STK3: variants seen among roughly 807,000 people sequenced by gnomAD.
STK3 encodes the protein serine/threonine kinase 3.
STK3 carries 41 observed loss-of-function variants against 58.0 expected under a neutral mutation model. The ratio of observed to expected loss-of-function variants is 0.71; its 90% CI spans 0.55 to 0.92. The LOEUF is 0.92. Ranked by LOEUF, STK3 falls within the 40% of genes least tolerant of loss-of-function variation. STK3 has a pLI of 0.00. For missense variants in STK3, 479 were observed against 602.7 expected (o/e 0.79, Z 2.15); for synonymous variants, 170 against 191.0 (o/e 0.89, Z 0.91).
chr8:98,843,083 AAAT>A (rs1836060741), intron 3 of STK3, among the ~76,000 whole-genome samples: 1 of 150,542 alleles, frequency 6.6e-6, no homozygotes, highest in South Asian at 2.1e-4. Context: ...AATATATAAT[AAAT>A]AATAAGCCCA....
In STK3 at chr8:98,737,221, A is replaced by G. The variant is rs890720598; in HGVS notation, c.351+12055T>C. ...ATCATACATGAATTCATTTAAGTGA[A>G]TATAATAATAAGAAAAGTCAATTCA... On this transcript the variant is annotated intron_variant, in intron 4 of 10. Coordinates refer to ENST00000419617, the MANE Select transcript of STK3 (RefSeq NM_006281.4). 2.6e-5 allele frequency among the ~76,000 whole-genome samples: 4 copies of G among 152,268 alleles called. No homozygotes were observed. In the South Asian group the frequency reaches 8.3e-4, roughly 32 times the overall value.
chr8:98,770,562 T>C (rs1185604958), intron 2 of STK3, among the ~76,000 whole-genome samples: 3 of 152,102 alleles, frequency 2.0e-5, no homozygotes, highest in South Asian at 2.1e-4. Flanking sequence ...TTAAGTGAGA[T>C]GCTAAGTGAG....
At chr8:98,736,959 T>C (rs1000602938) in intron 4 of STK3, among the ~76,000 whole-genome samples, 3 of 152,198 alleles carry the variant, frequency 2.0e-5, no homozygotes, top group African/African-American at 7.2e-5. Flanking sequence ...ATATGTAGTA[T>C]ATACATAATC....
At chr8:98,488,748 A>G (rs907600304) in intron 10 of STK3, among the ~76,000 whole-genome samples, 1 of 152,226 alleles carries the variant, frequency 6.6e-6, no homozygotes, top group African/African-American at 2.4e-5. Flanking sequence ...ATGAAAATGC[A>G]GAGAAGTGGT....
chr8:98,825,349 C>T (rs531332560), intron 1 of STK3, among the ~76,000 whole-genome samples, 166 bp downstream of exon 1: 47 of 152,182 alleles, frequency 3.1e-4, no homozygotes, highest in Admixed American at 2.5e-3. Flanking sequence ...TCCCCTCGCC[C>T]GTGGACAGAC....
chr8:98,435,213 C>A (rs1031656467), intron 2 of STK3, among the ~76,000 whole-genome samples: 3 of 152,210 alleles, frequency 2.0e-5, no homozygotes, highest in Non-Finnish European at 4.4e-5. Context: ...CAGGAGCCAG[C>A]CAGACAGGGC....
chr8:98,524,687 A>G (rs1186606517), intron 10 of STK3, among the ~76,000 whole-genome samples: 1 of 152,222 alleles, frequency 6.6e-6, no homozygotes, highest in Non-Finnish European at 1.5e-5. Flanking sequence ...GAAGGCTACT[A>G]CTGCCACATA....
chr8:98,825,483 T>C, intron 1 of STK3, 32 bp downstream of exon 1: 2 of 1,432,028 alleles, frequency 1.4e-6, no homozygotes, highest in South Asian at 1.3e-5. Context: ...CGGCGCCGCT[T>C]CCCTCCTTCT....
chr8:98,555,162 A>C (rs903681277), intron 8 of STK3, among the ~76,000 whole-genome samples: 2 of 152,080 alleles, frequency 1.3e-5, no homozygotes, highest in African/African-American at 2.4e-5. Flanking sequence ...AGGAAATCCT[A>C]CTCCACTGCT....
At chr8:98,432,674 A>G (rs959653088) in intron 3 of STK3, 1 of 167,108 alleles carries the variant, frequency 6.0e-6, no homozygotes, top group Non-Finnish European at 1.5e-5. Context: ...GATAGTGGTG[A>G]TCTGTACAGG....
intron 10 of STK3, among the ~76,000 whole-genome samples, chr8:98,507,333 C>A (rs1824175656): frequency 6.6e-6 from 1 of 152,202 alleles, no homozygotes; most frequent in Non-Finnish European, 1.5e-5. Context: ...GCAACACCAT[C>A]CTGGCTGTTC....
rs116170891 is a variant in STK3 at position 98,408,539 on chromosome 8, G to A, written n.484-7026C>T. Among the ~76,000 whole-genome samples, 822 of 152,224 alleles carry A rather than the reference G, an allele frequency of 5.4e-3. 7 individuals are homozygous for A. Among genetic ancestry groups the A allele is most frequent in the African/African-American group, 0.019 (787 of 41,536 alleles). On this transcript the variant is annotated intron_variant and non_coding_transcript_variant, in intron 3 of 3. Transcript: ENST00000517832. ...CTACCCAATTTTGGTTGACTCAAAC[G>A]CACAACAATTTATTCTCAAATACTC... is the stretch of plus-strand genomic sequence containing the variant.
chr8:98,477,730 G>GGC (rs1821486583), intron 10 of STK3, among the ~76,000 whole-genome samples: 1 of 105,904 alleles, frequency 9.4e-6, no homozygotes, highest in Non-Finnish European at 2.0e-5. Context: ...GCGGGGGGGG[G>GGC]CCCTAATGAA....
chr8:98,446,962 T>C (rs564114784), intron 1 of STK3, among the ~76,000 whole-genome samples: 4 of 152,224 alleles, frequency 2.6e-5, no homozygotes, highest in Admixed American at 6.5e-5. Flanking sequence ...TTGGAAGCCA[T>C]TATCGTTAGC....
chr8:98,858,289 CG>C (rs1381283516), intron 3 of STK3, among the ~76,000 whole-genome samples: 1 of 34,950 alleles, frequency 2.9e-5, no homozygotes, highest in African/African-American at 1.3e-4. Context: ...TACATACATA[CG>C]TATATATATA....
intron 10 of STK3, among the ~76,000 whole-genome samples, chr8:98,477,538 G>T (rs1415312138): frequency 6.6e-6 from 1 of 151,748 alleles, no homozygotes; most frequent in Non-Finnish European, 1.5e-5. Context: ...CCACTCATGG[G>T]TCCTTCACCA....
At chr8:98,653,957 G>A (rs1039636751) in intron 6 of STK3, among the ~76,000 whole-genome samples, 1 of 152,192 alleles carries the variant, frequency 6.6e-6, no homozygotes, top group Non-Finnish European at 1.5e-5. Flanking sequence ...AATAGAAAAA[G>A]AGGGAATCCT....
At position 98,749,380 on chromosome 8, in the gene STK3, C is replaced by T. The variant is rs1563960978; in HGVS notation, c.247G>A (p.Val83Ile). ...TTAAAATAACTGCCATAGTACTTTA[C>T]AACATATGGGCTAAAGGAAAATACA... The part of the protein sequence containing the change: ...IMQQCDSPYV[V>I]KYYGSYFKNT... The change falls in exon 4 of 11, where the codon GTA (valine) becomes ATA (isoleucine). Residue 83 changes from valine (V) to isoleucine (I), a missense_variant. Around this residue, in one of 3 missense-constraint regions of STK3, gnomAD observed 126 missense variants for 210.1 expected, o/e 0.60. Coordinates refer to ENST00000419617, the MANE Select transcript of STK3 (RefSeq NM_006281.4). The T allele has an allele frequency of 6.4e-7, 1 of 1,565,976 alleles. No homozygotes were observed. The highest frequency in any genetic ancestry group is 1.8e-5 in the Admixed American group (1 of 55,786).
intron 4 of STK3, among the ~76,000 whole-genome samples, chr8:98,710,017 G>A (rs1172348953): frequency 6.6e-6 from 1 of 151,900 alleles, no homozygotes; most frequent in African/African-American, 2.4e-5. Context: ...TCTAGACAGA[G>A]CAATTAGGGA....
Sources: gnomAD v4.1 joint callset for allele counts (sites outside exome capture counted in the v4.1 genomes callset) on GRCh38, gnomAD v4.1.1 for gene constraint, gnomAD v4.1.1 regional missense constraint, MANE v1.5 for transcripts, NCBI Gene and HGNC (gene_info 2026-07-23, HGNC 2026-07-21) for gene names.